The following OPCML variants were observed in gnomAD, a reference collection of about 807,000 sequenced individuals.
OPCML encodes opioid-binding protein/cell adhesion molecule.
Under a neutral mutation model 37.8 loss-of-function variants are expected in OPCML, and 13 were observed. The ratio of observed to expected loss-of-function variants is 0.34; its 90% CI spans 0.22 to 0.55. The LOEUF (loss-of-function observed/expected upper bound fraction) is 0.55. Among genes scored for constraint, OPCML ranks in the 20% least tolerant of loss-of-function variants. OPCML has a pLI of 0.91. For missense variants in OPCML, 341 were observed against 435.6 expected, an observed-to-expected ratio of 0.78 and a Z score of 1.93; for synonymous variants, 176 against 168.8, an observed-to-expected ratio of 1.04 and a Z score of -0.33.
intron 1 of OPCML, among the ~76,000 whole-genome samples, chr11:133,154,321 C>T (rs1338428348): frequency 6.6e-6 from 1 of 152,064 alleles, no homozygotes; most frequent in East Asian, 1.9e-4. Context: ...ATCGTGAATG[C>T]CTTCAAATCA....
intron 1 of OPCML, among the ~76,000 whole-genome samples, chr11:132,970,718 C>G (rs1443550400): frequency 6.6e-6 from 1 of 152,138 alleles, no homozygotes; most frequent in East Asian, 1.9e-4. Context: ...TGTTGCTTCT[C>G]CTACTCATGA....
At chr11:133,021,887 G>A (rs1947463257) in intron 1 of OPCML, among the ~76,000 whole-genome samples, 1 of 152,248 alleles carries the variant, frequency 6.6e-6, no homozygotes, top group African/African-American at 2.4e-5. Context: ...CCGTGCTACA[G>A]AGCAAAGCAG....
At chr11:132,741,773 T>A (rs920365427) in intron 2 of OPCML, among the ~76,000 whole-genome samples, 4 of 152,112 alleles carry the variant, frequency 2.6e-5, no homozygotes, top group Non-Finnish European at 4.4e-5. Context: ...ATGCATGTAA[T>A]CCCAGCACTT....
intron 3 of OPCML, among the ~76,000 whole-genome samples, chr11:132,552,761 C>CCCTTTTTTTTTTT (rs1337627753): frequency 3.0e-5 from 2 of 67,476 alleles, no homozygotes; most frequent in African/African-American, 2.2e-4. Flanking sequence ...TTAAACACTA[C>CCCTTTTTTTTTTT]TCTTTTTTTT....
In OPCML at chr11:133,435,591, T is replaced by C. The variant is rs1018753504; in HGVS notation, c.61+96673A>G. Among the ~76,000 whole-genome samples, 6 of 152,232 alleles carry C rather than the reference T, an allele frequency of 3.9e-5. No individual in the cohort carries two copies. The East Asian group carries it at 9.6e-4, about 24-fold the overall frequency. ...TCATTATTAATAGGCTTTCTAGAGATCAAAAAAGTGGATTCCAATTTCCAA... is the reference window on the plus strand; with the variant it reads ...TCATTATTAATAGGCTTTCTAGAGACCAAAAAAGTGGATTCCAATTTCCAA... On this transcript the variant is annotated intron_variant, in intron 1 of 7. Transcript: ENST00000524381.
At chr11:132,658,945 T>C (rs1159369979) in intron 2 of OPCML, among the ~76,000 whole-genome samples, 1 of 151,038 alleles carries the variant, frequency 6.6e-6, no homozygotes, top group Non-Finnish European at 1.5e-5. Flanking sequence ...AATGAAACTA[T>C]TTTTTTTTAT....
intron 3 of OPCML, among the ~76,000 whole-genome samples, chr11:132,541,216 C>T (rs2096355671): frequency 6.6e-6 from 1 of 152,156 alleles, no homozygotes; most frequent in African/African-American, 2.4e-5. Context: ...CTGAGTATTT[C>T]CGGCCTTCCT....
At chr11:132,969,333 T>C (rs1211719749) in intron 1 of OPCML, among the ~76,000 whole-genome samples, 4 of 152,240 alleles carry the variant, frequency 2.6e-5, no homozygotes, top group Non-Finnish European at 5.9e-5. Context: ...TAAGTTAGTT[T>C]TCTCTTGCTG....
chr11:133,439,216 C>T (rs1344801790), intron 1 of OPCML: 2 of 900,068 alleles, frequency 2.2e-6, no homozygotes, highest in Non-Finnish European at 2.7e-6. Context: ...ACCTGCAGGT[C>T]CTATGCTAGC....
intron 1 of OPCML, among the ~76,000 whole-genome samples, chr11:133,249,333 A>G (rs1941051257): frequency 6.6e-6 from 1 of 152,068 alleles, no homozygotes; most frequent in Non-Finnish European, 1.5e-5. Context: ...GGCTCTTTTG[A>G]ACGATCAGTT....
intron 1 of OPCML, among the ~76,000 whole-genome samples, chr11:133,270,703 G>C (rs1941803744): frequency 6.6e-6 from 1 of 152,168 alleles, no homozygotes; most frequent in Admixed American, 6.5e-5. Flanking sequence ...AAGAACCTCA[G>C]ACAGCCAGGA....
At chr11:132,880,094 T>G (rs1158240460) in intron 2 of OPCML, among the ~76,000 whole-genome samples, 2 of 152,232 alleles carry the variant, frequency 1.3e-5, no homozygotes, top group Non-Finnish European at 2.9e-5. Flanking sequence ...CTTTCGCTGA[T>G]CATTCCATTA....
At chr11:133,261,726 G>A (rs547222178) in intron 1 of OPCML, among the ~76,000 whole-genome samples, 44 of 152,346 alleles carry the variant, frequency 2.9e-4, no homozygotes, top group African/African-American at 7.7e-4. Flanking sequence ...TGGAGAAAGA[G>A]AGACGGGGAG....
intron 1 of OPCML, among the ~76,000 whole-genome samples, chr11:133,128,043 G>T (rs920657105): frequency 6.6e-6 from 1 of 152,106 alleles, no homozygotes; most frequent in Non-Finnish European, 1.5e-5. Context: ...TTTCCCTTGA[G>T]TTTTTTCAGG....
At chr11:133,330,801 G>A (rs1364449417) in intron 1 of OPCML, among the ~76,000 whole-genome samples, 1 of 152,062 alleles carries the variant, frequency 6.6e-6, no homozygotes, top group Non-Finnish European at 1.5e-5. Flanking sequence ...AAACCTGCAC[G>A]TTGTGCACAT....
rs756266707 is a variant in OPCML at position 132,846,105 on chromosome 11, C to CG, written c.146+96820dup. Among the ~76,000 whole-genome samples the CG allele has an allele frequency of 3.3e-4, 50 of 152,172 alleles. 1 individual carries two copies. The highest frequency in any genetic ancestry group is 6.3e-4 in the Non-Finnish European group (43 of 68,044). ...ACATTTCCATAAAGCATCAAACACT[C>CG]GGGGGGAAATTCATTTACAGTCTCC... On this transcript the variant is annotated intron_variant, in intron 2 of 7. Transcript: ENST00000524381.
At chr11:132,758,069 T>C (rs1431979617) in intron 2 of OPCML, among the ~76,000 whole-genome samples, 3 of 152,210 alleles carry the variant, frequency 2.0e-5, no homozygotes, top group Non-Finnish European at 4.4e-5. Context: ...CTTTCCCCAT[T>C]GCTTGTTTTT....
chr11:132,509,999 G>C (rs2096265454), intron 4 of OPCML, among the ~76,000 whole-genome samples: 2 of 152,170 alleles, frequency 1.3e-5, no homozygotes, highest in Non-Finnish European at 2.9e-5. Flanking sequence ...AAAGCAGTTG[G>C]GAGGGAAGCT....
In OPCML at chr11:132,558,236, TTTC is replaced by T. The variant is rs576246876; in HGVS notation, c.380-29053_380-29051del. 9.7e-4 allele frequency among the ~76,000 whole-genome samples: 146 copies of T among 151,144 alleles called. 2 individuals carry two copies. In the Middle Eastern group the frequency reaches 0.01, roughly 11 times the overall value. ...CCTTTCTCTTTTTCTTCTTCCTCTT[TTTC>T]TTCTTCTTCTTCTTCCTCTTCCTTC... On this transcript the variant is annotated intron_variant, in intron 3 of 7. Transcript: ENST00000524381.
Sources: gnomAD v4.1 joint callset for allele counts (sites outside exome capture counted in the v4.1 genomes callset) on GRCh38, gnomAD v4.1.1 for gene constraint, MANE v1.5 for transcripts, NCBI Gene and HGNC (gene_info 2026-07-23, HGNC 2026-07-21) for gene names.